TAS2R1: variants seen among roughly 807,000 people sequenced by gnomAD.
TAS2R1 encodes the protein taste receptor type 2 member 1.
For missense variants in TAS2R1, 370 were observed against 353.4 expected, an observed-to-expected ratio of 1.05 and a Z score of -0.38; for synonymous variants, 141 against 134.2, an observed-to-expected ratio of 1.05 and a Z score of -0.35.
the TAS2R1 span, among the ~76,000 whole-genome samples, chr5:9,744,120 T>G: frequency 6.6e-6 from 1 of 152,190 alleles, no homozygotes; most frequent in Non-Finnish European, 1.5e-5. Context: ...CTTTCCCCTC[T>G]GCCCAAGACC....
At chr5:9,684,495 G>A (rs2126512740) in intron 1 of TAS2R1, among the ~76,000 whole-genome samples, 2 of 152,270 alleles carry the variant, frequency 1.3e-5, no homozygotes, top group South Asian at 4.1e-4. Flanking sequence ...ACTGAAGGGT[G>A]GATACACAAT....
chr5:9,901,422 C>T, the TAS2R1 span, among the ~76,000 whole-genome samples: 1 of 151,838 alleles, frequency 6.6e-6, no homozygotes, highest in Non-Finnish European at 1.5e-5. Context: ...TGCACAGGGG[C>T]GTTCATTCTT....
At chr5:9,879,940 C>G in the TAS2R1 span, among the ~76,000 whole-genome samples, 1 of 152,126 alleles carries the variant, frequency 6.6e-6, no homozygotes, top group Non-Finnish European at 1.5e-5. Context: ...CCAGGCTATC[C>G]TTATGTTTCT....
chr5:9,834,337 T>C, the TAS2R1 span, among the ~76,000 whole-genome samples: 70 of 152,218 alleles, frequency 4.6e-4, no homozygotes, highest in South Asian at 2.1e-4. Flanking sequence ...TGACCCCCAA[T>C]TGAGTTAGCA....
the TAS2R1 span, among the ~76,000 whole-genome samples, chr5:9,766,991 T>C: frequency 6.6e-6 from 1 of 152,138 alleles, no homozygotes; most frequent in Non-Finnish European, 1.5e-5. Context: ...TGCACTCTTC[T>C]TTCATGAGTC....
At chr5:9,867,476 T>A in the TAS2R1 span, among the ~76,000 whole-genome samples, 5 of 151,970 alleles carry the variant, frequency 3.3e-5, no homozygotes, top group Non-Finnish European at 5.9e-5. Flanking sequence ...TATAAAACCA[T>A]CAGATCTCAT....
At chr5:9,776,214 T>C in the TAS2R1 span, among the ~76,000 whole-genome samples, 1 of 152,188 alleles carries the variant, frequency 6.6e-6, no homozygotes, top group South Asian at 2.1e-4. Context: ...CTTTCCACTG[T>C]GACAGGGCAG....
chr5:9,713,303 AG>A (rs971628625), upstream of TAS2R1: 2 of 152,354 alleles, frequency 1.3e-5, no homozygotes, highest in African/African-American at 4.8e-5. Context: ...AGACAAAAGT[AG>A]TTTTACAGAA....
At chr5:9,757,454 G>A in the TAS2R1 span, among the ~76,000 whole-genome samples, 1 of 152,188 alleles carries the variant, frequency 6.6e-6, no homozygotes, top group Admixed American at 6.5e-5. Context: ...TCATTCTGCA[G>A]CATTTTAGCA....
the TAS2R1 span, among the ~76,000 whole-genome samples, chr5:9,894,296 C>A: frequency 2.0e-5 from 3 of 151,972 alleles, no homozygotes; most frequent in African/African-American, 7.3e-5. Flanking sequence ...CCCAGCTACT[C>A]GGGAGGCTGA....
intron 1 of TAS2R1, among the ~76,000 whole-genome samples, chr5:9,700,426 C>T (rs1275881834): frequency 2.0e-5 from 3 of 152,194 alleles, no homozygotes; most frequent in Non-Finnish European, 4.4e-5. Context: ...ACATGCTACC[C>T]TGGAGGTGCC....
At chr5:9,819,501 C>T in the TAS2R1 span, among the ~76,000 whole-genome samples, 6 of 152,298 alleles carry the variant, frequency 3.9e-5, no homozygotes, top group African/African-American at 7.2e-5. Context: ...AAAAACACTA[C>T]GTCTTGGGCT....
At chr5:9,738,634 T>G in the TAS2R1 span, among the ~76,000 whole-genome samples, 2 of 152,210 alleles carry the variant, frequency 1.3e-5, no homozygotes, top group African/African-American at 4.8e-5. Context: ...ATCAACCTGC[T>G]GATTTATGAA....
the TAS2R1 span, among the ~76,000 whole-genome samples, chr5:9,840,875 T>A: frequency 0.11 from 3,059 of 27,368 alleles, 134 homozygotes; most frequent in African/African-American, 0.28. Context: ...TTTTTTTTTT[T>A]TTTTTTTTTT....
chr5:9,851,341 A>G, the TAS2R1 span, among the ~76,000 whole-genome samples: 57 of 152,292 alleles, frequency 3.7e-4, no homozygotes, highest in Non-Finnish European at 7.4e-4. Context: ...GGAGCAGCCA[A>G]CATGGCCTTT....
chr5:9,839,498 G>A, the TAS2R1 span, among the ~76,000 whole-genome samples: 2 of 152,182 alleles, frequency 1.3e-5, no homozygotes, highest in Non-Finnish European at 2.9e-5. Flanking sequence ...AAAGCTTTCA[G>A]TGACATGATG....
the TAS2R1 span, among the ~76,000 whole-genome samples, chr5:9,860,781 A>G: frequency 6.6e-6 from 1 of 152,236 alleles, no homozygotes; most frequent in Non-Finnish European, 1.5e-5. Flanking sequence ...GTCATGTCTC[A>G]GTACCCATCT....
the TAS2R1 span, among the ~76,000 whole-genome samples, chr5:9,820,925 C>G: frequency 3.3e-5 from 5 of 152,282 alleles, no homozygotes; most frequent in Admixed American, 6.5e-5. Context: ...GCTCTCCTGC[C>G]ATCATCAGCC....
chr5:9,881,058 A>T, the TAS2R1 span, among the ~76,000 whole-genome samples: 8 of 152,174 alleles, frequency 5.3e-5, no homozygotes, highest in African/African-American at 1.9e-4. Flanking sequence ...GCTCTGAGGG[A>T]TCCAGGCAGT....
Sources: gnomAD v4.1 joint callset for allele counts (sites outside exome capture counted in the v4.1 genomes callset) on GRCh38, gnomAD v4.1.1 for gene constraint, MANE v1.5 for transcripts, NCBI Gene and HGNC (gene_info 2026-07-23, HGNC 2026-07-21) for gene names.